Variants in TMEM187 observed in about 807,000 individuals in gnomAD.
TMEM187 encodes the protein chromosome X open reading frame 12.
In TMEM187, 14 loss-of-function variants were observed where a neutral mutation model predicts 11.8. The ratio of observed to expected loss-of-function variants is 1.18; its 90% CI spans 0.78 to 1.85. The LOEUF (loss-of-function observed/expected upper bound fraction) is 1.85, where lower values mean the gene tolerates loss of function less well. TMEM187 is among the 40% of genes most tolerant of loss of function. The pLI is 0.00. For synonymous variants in TMEM187, 112 were observed against 118.5 expected, an observed-to-expected ratio of 0.95 and a Z score of 0.36; for missense variants, 227 against 243.9, an observed-to-expected ratio of 0.93 and a Z score of 0.46.
chrX:153,981,960 C>T lies in TMEM187; in HGVS notation c.-103C>T. 5.9e-6 allele frequency: 7 copies of T among 1,183,485 alleles called. No individual in the cohort carries two copies. The highest frequency in any genetic ancestry group is 3.1e-4 in the Middle Eastern group (1 of 3,185). On this transcript the variant is annotated 5_prime_UTR_variant, in exon 2 of 2. Coordinates refer to ENST00000369982, the MANE Select transcript of TMEM187 (RefSeq NM_003492.3). Reference sequence around the variant, plus strand: ...CGGAAATCACGAAATCACGGGGCTTCTTTCTGCTGGCTCAGCCGGGAGGCC... The same window carrying T: ...CGGAAATCACGAAATCACGGGGCTTTTTTCTGCTGGCTCAGCCGGGAGGCC...
rs921090914 is a variant in TMEM187, at chrX:153,982,950, T to C, written c.*102T>C. The C allele has an allele frequency of 5.9e-6, 7 of 1,183,196 alleles. No homozygotes were observed. The African/African-American group carries it at 1.1e-4, about 18-fold the overall frequency. On this transcript the variant is annotated 3_prime_UTR_variant, in exon 2 of 2. Transcript: ENST00000369982. ...GTCAGACATCCTGTGTGTGATGATATGCACTGATCACACAAGACTGCCCTT... is the reference window on the plus strand; with the variant it reads ...GTCAGACATCCTGTGTGTGATGATACGCACTGATCACACAAGACTGCCCTT...
Position 153,981,870 on chromosome X carries a change from CCG to C in TMEM187, c.-191_-190del. 2.8e-6 allele frequency: 2 copies of C among 722,871 alleles called. No individual in the cohort carries two copies. Among genetic ancestry groups the C allele is most frequent in the Non-Finnish European group, 2.0e-6 (1 of 495,768 alleles). The allele number at this position is 722,871 out of a possible 1,213,427, so 59.6% of individuals were successfully genotyped here. A position where few individuals can be genotyped will look rare whatever the true frequency, so the allele number is the denominator to read the frequency against. On this transcript the variant is annotated 5_prime_UTR_variant, in exon 2 of 2. It introduces an in-frame stop codon into an upstream open reading frame of the 5' UTR. Transcript: ENST00000369982. ...CAAAGGAAAAAGGCAGAACGTTCCT[CCG>C]CTGGCGCCAGCCAATCAGCAGGACT...
rs1403440332 is a variant in TMEM187 at position 153,982,901 on chromosome X, C to CT, written c.*54dup. On this transcript the variant is annotated 3_prime_UTR_variant, in exon 2 of 2. Transcript: ENST00000369982. ...ATGACCCCCAGCATTGAAATGGACT[C>CT]TGAGATGGCAGCGTGGTGCCAGTGT... The CT allele has an allele frequency of 1.7e-6, 2 of 1,208,246 alleles. No individual in the cohort carries two copies. The highest frequency in any genetic ancestry group is 2.2e-6 in the Non-Finnish European group (2 of 894,201).
In TMEM187 at chrX:153,982,239, C is replaced by T. The variant is rs1253654150; in HGVS notation, c.177C>T (p.Leu59=). ...TCCTGGCCATGCCGTTCAACTCACT[C>T]GTGAACATGGCCTACACGCTGCTGG... ...PAFLAMPFNS[L]VNMAYTLLGL... is the part of the protein sequence containing the mutation. Residue 59 remains leucine, a synonymous_variant, in exon 2 of 2, where the codon CTC becomes CTT. Transcript: ENST00000369982. The T allele has an allele frequency of 5.8e-6, 7 of 1,211,457 alleles. No homozygotes were observed. The Admixed American group carries it at 6.5e-5, about 11-fold the overall frequency.
chrX:153,977,272 A>G (rs1320495789), intron 1 of TMEM187, among the ~76,000 whole-genome samples: 2 of 112,355 alleles, frequency 1.8e-5, no homozygotes, highest in Non-Finnish European at 3.8e-5. Flanking sequence ...TTGTTTGATC[A>G]TTATACATTA....
chrX:153,976,090 G>C (rs181803370), intron 1 of TMEM187, among the ~76,000 whole-genome samples: 1 of 111,509 alleles, frequency 9.0e-6, no homozygotes, highest in Admixed American at 9.6e-5. Flanking sequence ...TTATTGAAGA[G>C]ACCATCCTTT....
rs782230152 is a variant in TMEM187 at position 153,982,774 on chromosome X, C to T, written c.712C>T (p.His238Tyr). ...CAAGGTCTGTGACGTGCTCCAGTTC[C>T]ACTTTGCGTTTTTGTTTCTGACGCA... Reference protein sequence around the residue: ...WSKVCDVLQFHFAFLFLTHFN... With the variant: ...WSKVCDVLQFYFAFLFLTHFN... The change falls in exon 2 of 2, where the codon CAC becomes TAC. Residue 238 changes from histidine to tyrosine, a missense_variant. Transcript: ENST00000369982. 8.2e-7 allele frequency: 1 copy of T among 1,212,308 alleles called. No individual in the cohort carries two copies. The highest frequency in any genetic ancestry group is 1.1e-6 in the Non-Finnish European group (1 of 895,662).
rs147971744 is a variant in TMEM187 at position 153,982,107 on chromosome X, C to T, written c.45C>T (p.Ala15=). The T allele has an allele frequency of 5.8e-6, 7 of 1,211,738 alleles. No homozygotes were observed. The highest frequency in any genetic ancestry group is 3.5e-5 in the African/African-American group (2 of 57,754). The change falls in exon 2 of 2, where the codon GCC becomes GCT. Residue 15 remains alanine (A), a synonymous_variant. Transcript: ENST00000369982. The part of the protein sequence containing the change: ...WGQAFVHVAV[A]GGLCAVAVFT... ...AGGCCTTCGTGCACGTGGCCGTGGC[C>T]GGTGGCCTCTGTGCCGTGGCTGTGT...
chrX:153,977,092 T>C (rs891439241), intron 1 of TMEM187, among the ~76,000 whole-genome samples: 1 of 111,744 alleles, frequency 8.9e-6, no homozygotes, highest in African/African-American at 3.3e-5. Flanking sequence ...GGATAACAAA[T>C]ACAAAATGCC....
Position 153,982,551 on chromosome X carries a change from C to T in TMEM187, c.489C>T (p.Phe163=), listed in dbSNP as rs370807080. The T allele has an allele frequency of 1.7e-5, 21 of 1,207,512 alleles. No individual in the cohort carries two copies. The East Asian group carries it at 2.1e-4, about 12-fold the overall frequency. ...YGLALLHPQG[F]EVALGAHVVA... ...TCGCTCTGCTGCATCCCCAGGGCTT[C>T]GAGGTCGCACTGGGTGCTCACGTGG... The change falls in exon 2 of 2, where the codon TTC becomes TTT. Residue 163 remains phenylalanine, a synonymous_variant. Coordinates refer to ENST00000369982, the MANE Select transcript of TMEM187 (RefSeq NM_003492.3).
At chrX:153,977,968 A>C (rs1360970798) in intron 1 of TMEM187, among the ~76,000 whole-genome samples, 1 of 109,416 alleles carries the variant, frequency 9.1e-6, no homozygotes, top group Non-Finnish European at 1.9e-5. Context: ...CTGTAATCCC[A>C]GCACTTTGGG....
At position 153,982,730 on chromosome X, in the gene TMEM187, T is replaced by C. The variant is rs1557122834; in HGVS notation, c.668T>C (p.Leu223Pro). ...GCACGGTGGCGTCTCTTCCAGTGCC[T>C]CACAGGCCACTTCTGGTCCAAGGTC... is the stretch of plus-strand genomic sequence containing the variant. ...QLARWRLFQC[L>P]TGHFWSKVCD... Residue 223 changes from leucine (L) to proline (P), a missense_variant, in exon 2 of 2, where the codon CTC becomes CCC. By Grantham distance (98) the Leu-to-Pro change is moderately conservative (BLOSUM62 -3). Coordinates refer to ENST00000369982, the MANE Select transcript of TMEM187 (RefSeq NM_003492.3). 1 of 1,211,071 alleles carries C rather than the reference T, an allele frequency of 8.3e-7. No homozygotes were observed. Among genetic ancestry groups the C allele is most frequent in the African/African-American group, 1.7e-5 (1 of 57,457 alleles).
intron 1 of TMEM187, chrX:153,980,641 G>A (rs1271093805): frequency 9.0e-6 from 1 of 111,684 alleles, no homozygotes. Flanking sequence ...AACCGGGCTG[G>A]GCACAGTGGC....
At chrX:153,975,987 T>G (rs1250766832) in intron 1 of TMEM187, among the ~76,000 whole-genome samples, 7 of 110,698 alleles carry the variant, frequency 6.3e-5, no homozygotes, top group Admixed American at 9.7e-5. Context: ...TTTAAGTCTT[T>G]AATCCATGTT....
chrX:153,977,485 G>A (rs1337714990), intron 1 of TMEM187, among the ~76,000 whole-genome samples: 2 of 110,900 alleles, frequency 1.8e-5, no homozygotes, highest in African/African-American at 3.3e-5. Flanking sequence ...GTGATGGCCC[G>A]CCTGTACTTC....
chrX:153,981,225 C>T (rs1375055958), intron 1 of TMEM187: 1 of 113,024 alleles, frequency 8.8e-6, no homozygotes, highest in African/African-American at 3.3e-5. Context: ...GGCCCCAAAG[C>T]AGTTGACAGT....
At chrX:153,978,750 ATTTTT>A (rs797028478) in intron 1 of TMEM187, among the ~76,000 whole-genome samples, 12 of 65,655 alleles carry the variant, frequency 1.8e-4, no homozygotes, top group East Asian at 4.5e-4. Context: ...CACCTGGCTA[ATTTTT>A]TGTTTTGTTT....
intron 1 of TMEM187, among the ~76,000 whole-genome samples, chrX:153,974,195 A>G (rs1397232113): frequency 4.5e-5 from 5 of 111,949 alleles, no homozygotes; most frequent in Non-Finnish European, 9.4e-5. Flanking sequence ...CGGAAAGAGG[A>G]GTTGCTTTCC....
intron 1 of TMEM187, among the ~76,000 whole-genome samples, chrX:153,979,222 A>G (rs1325147536): frequency 9.4e-6 from 1 of 106,060 alleles, no homozygotes; most frequent in South Asian, 4.0e-4. Flanking sequence ...CACTGCGCCT[A>G]GCTTTTTTTT....
Sources: allele counts gnomAD v4.1 joint callset (sites outside exome capture counted in the v4.1 genomes callset), GRCh38; gene constraint gnomAD v4.1.1; transcripts MANE v1.5; gene names NCBI Gene and HGNC (gene_info 2026-07-23, HGNC 2026-07-21).